Variants in C5orf58 observed in about 807,000 individuals in gnomAD.
C5orf58 encodes the protein putative uncharacterized protein C5orf58.
In C5orf58, 2 loss-of-function variants were observed where a neutral mutation model predicts 2.9. That is an observed-to-expected ratio of 0.69 (90% confidence interval 0.28 to 2.18). The LOEUF is 2.18. C5orf58 is among the 30% of genes most tolerant of loss of function. The pLI is 0.13. For missense variants in C5orf58, 96 were observed against 91.7 expected, an observed-to-expected ratio of 1.05 and a Z score of -0.19; for synonymous variants, 37 against 33.4, an observed-to-expected ratio of 1.11 and a Z score of -0.37.
At chr5:170,238,409 A>G (rs80217306) in intron 3 of C5orf58, among the ~76,000 whole-genome samples, 1,547 of 152,286 alleles carry the variant, frequency 0.01, 35 homozygotes, top group African/African-American at 0.036. Flanking sequence ...CTAGAGTGTA[A>G]ACAAAACAAA....
chr5:170,246,104 T>C lies in C5orf58; in HGVS notation c.237T>C (p.Phe79=). 6.2e-7 allele frequency: 1 copy of C among 1,608,430 alleles called. No homozygotes were observed. The highest frequency in any genetic ancestry group is 8.5e-7 in the Non-Finnish European group (1 of 1,177,436). The change falls in exon 4 of 4, where the codon TTT becomes TTC. Residue 79 remains phenylalanine (F), a synonymous_variant. Coordinates refer to ENST00000593851, the MANE Select transcript of C5orf58 (RefSeq NM_001102609.3). ...ATGTATCCCTTGTTTCTAACAGTTT[T>C]TCTATCTGATTTCTTATTTGTTATG... is the stretch of plus-strand genomic sequence containing the variant. The part of the protein sequence containing the change: ...ISDVSLVSNS[F]SI
intron 3 of C5orf58, among the ~76,000 whole-genome samples, chr5:170,239,781 T>A (rs1291798191): frequency 6.6e-6 from 1 of 152,220 alleles, no homozygotes; most frequent in Non-Finnish European, 1.5e-5. Context: ...ATCTTATTTT[T>A]TTTTTAATTA....
chr5:170,240,864 GAA>G (rs1217219734), intron 3 of C5orf58, among the ~76,000 whole-genome samples: 1 of 151,980 alleles, frequency 6.6e-6, no homozygotes, highest in Non-Finnish European at 1.5e-5. Context: ...CCTATGTCCT[GAA>G]TGGTAATGCC....
At chr5:170,233,391 C>T (rs1389679667) in intron 1 of C5orf58, 1 of 152,294 alleles carries the variant, frequency 6.6e-6, no homozygotes, top group Non-Finnish European at 1.5e-5. Context: ...GGTTGGGCCG[C>T]TCATGGCCCC....
Position 170,246,168 on chromosome 5 carries a change from G to A in C5orf58, c.*55G>A, listed in dbSNP as rs1275337992. On this transcript the variant is annotated 3_prime_UTR_variant, in exon 4 of 4. Transcript: ENST00000593851. ...TTGTTGAACTAACAAATATTTGGGAGAGTTGAGTTTACTAATTTGTATATA... is the reference window on the plus strand; with the variant it reads ...TTGTTGAACTAACAAATATTTGGGAAAGTTGAGTTTACTAATTTGTATATA... 1.5e-5 allele frequency: 21 copies of A among 1,437,532 alleles called. No individual in the cohort carries two copies. Among genetic ancestry groups the A allele is most frequent in the Non-Finnish European group, 1.8e-5 (19 of 1,048,178 alleles). The allele number at this position is 1,437,532 out of a possible 1,614,324, so 89.0% of individuals were successfully genotyped here.
At chr5:170,248,939 A>G (rs937921517), downstream of C5orf58, 8 of 944,674 alleles carry the variant, frequency 8.5e-6, 1 homozygote, top group African/African-American at 3.7e-5. Flanking sequence ...TTGTGGGGGG[A>G]AAAAATGTAA....
chr5:170,242,789 C>T (rs1046990449), intron 3 of C5orf58, among the ~76,000 whole-genome samples: 1 of 151,694 alleles, frequency 6.6e-6, no homozygotes, highest in Non-Finnish European at 1.5e-5. Context: ...CAGTTCTGCT[C>T]TGATTTTAGT....
chr5:170,235,432 A>G lies in C5orf58; in HGVS notation c.94+362A>G, dbSNP rs1217352639. ...CCCTAAGGTCCATTCCAAATTAAAAAGTATAAATTAGATTCTGTGACTTAA... is the reference window on the plus strand; with the variant it reads ...CCCTAAGGTCCATTCCAAATTAAAAGGTATAAATTAGATTCTGTGACTTAA... On this transcript the variant is annotated intron_variant, in intron 3 of 3. Coordinates refer to ENST00000593851, the MANE Select transcript of C5orf58 (RefSeq NM_001102609.3). 3.3e-5 allele frequency among the ~76,000 whole-genome samples: 5 copies of G among 152,230 alleles called. No individual in the cohort carries two copies. In the South Asian group the frequency reaches 8.3e-4, roughly 25 times the overall value.
At chr5:170,244,012 G>C (rs1449297463) in intron 3 of C5orf58, among the ~76,000 whole-genome samples, 1 of 145,154 alleles carries the variant, frequency 6.9e-6, no homozygotes, top group East Asian at 2.2e-4. Flanking sequence ...TGTCTGTAAA[G>C]TATTTTATTT....
At chr5:170,245,913 T>C in intron 3 of C5orf58, 49 bp from the exon 4 acceptor site, 1 of 1,541,306 alleles carries the variant, frequency 6.5e-7, no homozygotes, top group Non-Finnish European at 8.8e-7. Context: ...TAATAGTTTT[T>C]TATGACATAT....
At chr5:170,236,501 G>A (rs1760745401) in intron 3 of C5orf58, among the ~76,000 whole-genome samples, 1 of 152,154 alleles carries the variant, frequency 6.6e-6, no homozygotes, top group African/African-American at 2.4e-5. Flanking sequence ...ACACCACAGT[G>A]AAGATTCTCC....
chr5:170,250,746 C>A, downstream of C5orf58: 1 of 1,613,456 alleles, frequency 6.2e-7, no homozygotes, highest in South Asian at 1.1e-5. Flanking sequence ...CCCTCGGAGT[C>A]CAGTTCCCAA....
chr5:170,240,611 T>C (rs1760958096), intron 3 of C5orf58, among the ~76,000 whole-genome samples: 1 of 151,892 alleles, frequency 6.6e-6, no homozygotes, highest in Non-Finnish European at 1.5e-5. Flanking sequence ...CGCCCACTTT[T>C]TGATGGGGTT....
At chr5:170,248,668 G>GGAC, downstream of C5orf58, 1 of 1,599,468 alleles carries the variant, frequency 6.3e-7, no homozygotes, top group African/African-American at 1.4e-5. Context: ...AGAGGCAGGA[G>GGAC]GACGGTTCAT....
chr5:170,235,504 A>G (rs1287273960), intron 3 of C5orf58, among the ~76,000 whole-genome samples: 1 of 152,234 alleles, frequency 6.6e-6, no homozygotes, highest in African/African-American at 2.4e-5. Flanking sequence ...TAGACCTTAT[A>G]GGTCATGATG....
At chr5:170,237,295 G>T in intron 3 of C5orf58, 1 of 398,408 alleles carries the variant, frequency 2.5e-6, no homozygotes, top group South Asian at 1.3e-4. Flanking sequence ...AACCTTTACA[G>T]AATTTACCAT....
intron 3 of C5orf58, among the ~76,000 whole-genome samples, chr5:170,245,420 G>C (rs1191784075): frequency 6.6e-6 from 1 of 152,170 alleles, no homozygotes; most frequent in Admixed American, 6.5e-5. Context: ...CTAGCAATCA[G>C]CGAGACTCCG....
chr5:170,237,185 T>C (rs1055357976), intron 3 of C5orf58: 3 of 397,802 alleles, frequency 7.5e-6, no homozygotes, highest in South Asian at 1.3e-4. Context: ...GAGGGACCTG[T>C]AGAGCTACGC....
chr5:170,251,740 G>A (rs139974334), exon 3 of C5orf58: 6,105 of 449,088 alleles, frequency 0.014, 151 homozygotes, highest in South Asian at 0.055. Flanking sequence ...TACCTGGGAA[G>A]TTTGAAGACT....
Sources: allele counts gnomAD v4.1 joint callset (sites outside exome capture counted in the v4.1 genomes callset), GRCh38; gene constraint gnomAD v4.1.1; transcripts MANE v1.5; gene names NCBI Gene and HGNC (gene_info 2026-07-23, HGNC 2026-07-21).